The following SIRPB1 variants were observed in gnomAD, a reference collection of about 807,000 sequenced individuals.
SIRPB1 encodes the protein signal regulatory protein beta 1, also known as signal-regulatory protein beta-1.
SIRPB1 carries 28 observed loss-of-function variants against 34.1 expected under a neutral mutation model. That is an observed-to-expected ratio of 0.82 (90% CI 0.61 to 1.12). The LOEUF (loss-of-function observed/expected upper bound fraction) is 1.12, where lower values mean the gene tolerates loss of function less well. SIRPB1 is among the 50% of genes most tolerant of loss of function. SIRPB1 has a pLI of 0.00. For missense variants in SIRPB1, 499 were observed against 507.0 expected (o/e 0.98, Z 0.15); for synonymous variants, 211 against 203.8 (o/e 1.04, Z -0.30).
chr20:1,568,429 G>T (rs1189816791), intron 4 of SIRPB1, among the ~76,000 whole-genome samples: 1 of 152,130 alleles, frequency 6.6e-6, no homozygotes, highest in East Asian at 1.9e-4. Context: ...CACACTGAAA[G>T]AACCCAAAAA....
chr20:1,571,976 C>T lies in SIRPB1; in HGVS notation c.495G>A (p.Val165=). ...PAVRATPEHT[V]SFTCESHGFS... ...AGCCATGGGACTCGCAGGTGAAGCT[C>T]ACTGTGTGCTCAGGTGTGGCCCTCA... is the stretch of plus-strand genomic sequence containing the variant. The change falls in exon 3 of 6, where the codon GTG becomes GTA. Residue 165 remains valine, a synonymous_variant. Transcript: ENST00000381605. 6.2e-7 allele frequency: 1 copy of T among 1,614,086 alleles called. No homozygotes were observed. The highest frequency in any genetic ancestry group is 8.5e-7 in the Non-Finnish European group (1 of 1,180,014).
At chr20:1,579,604 A>G (rs2091373845) in intron 1 of SIRPB1, among the ~76,000 whole-genome samples, 1 of 148,778 alleles carries the variant, frequency 6.7e-6, no homozygotes, top group Admixed American at 6.6e-5. Flanking sequence ...TGTAGCTTCC[A>G]GTAGAAATAT....
chr20:1,619,893 T>A lies in SIRPB1; in HGVS notation c.52A>T (p.Thr18Ser), dbSNP rs976821695. The A allele has an allele frequency of 5.6e-6, 9 of 1,613,670 alleles. No homozygotes were observed. The highest frequency in any genetic ancestry group is 1.1e-5 in the South Asian group (1 of 91,088). The change falls in exon 1 of 6, where the codon ACG becomes TCG. Residue 18 changes from threonine to serine, a missense_variant. Thr to Ser is a moderately conservative substitution (Grantham distance 58). Coordinates refer to ENST00000381605, the MANE Select transcript of SIRPB1 (RefSeq NM_006065.5). ...CCTGTGAGTCTCCCCAGCAGTAGCGTCATCAGCAGGAAAGGACTAGGAAGG... is the reference window on the plus strand; with the variant it reads ...CCTGTGAGTCTCCCCAGCAGTAGCGACATCAGCAGGAAAGGACTAGGAAGG... ...PHLPSPFLLMTLLLGRLTGVA... is the reference protein window; with the variant it reads ...PHLPSPFLLMSLLLGRLTGVA...
chr20:1,562,842 A>G lies in SIRPB1; in HGVS notation c.*2658T>C, dbSNP rs1399258806. 6.6e-6 allele frequency among the ~76,000 whole-genome samples: 1 copy of G among 152,192 alleles called. No individual in the cohort carries two copies. Among genetic ancestry groups the G allele is most frequent in the African/African-American group, 2.4e-5 (1 of 41,444 alleles). On this transcript the variant is annotated 3_prime_UTR_variant, in exon 6 of 6. Coordinates refer to ENST00000381605, the MANE Select transcript of SIRPB1 (RefSeq NM_006065.5). The stretch of plus-strand genomic sequence containing the variant: ...ACAGAAATGAATAATTGAAAGAGGA[A>G]TTTTGCAACCAAGATGAAAGTGCAG...
At position 1,611,002 on chromosome 20, in the gene SIRPB1, C is replaced by T. The variant is rs1244897052; in HGVS notation, c.76+8867G>A. On this transcript the variant is annotated intron_variant, in intron 1 of 5. Transcript: ENST00000381605. ...AGACTTGGCCACCCTGAGGGGGAAG[C>T]GTTCTCTGGAGGCAGAAGGCAAGGT... Among the ~76,000 whole-genome samples, 2 of 72,372 alleles carry T rather than the reference C, an allele frequency of 2.8e-5. 1 individual carries two copies. Among genetic ancestry groups the T allele is most frequent in the Non-Finnish European group, 5.2e-5 (2 of 38,562 alleles). The allele number at this position is 72,372 out of a possible 152,430, so 47.5% of individuals were successfully genotyped here.
In SIRPB1 at chr20:1,597,353, G is replaced by A. The variant is rs1182004833; in HGVS notation, c.77-18659C>T. ...CATGAGGCTGGGTAATTTATAAAGA[G>A]AGGTTTATTTGGCTTTTGGTTCTGC... is the stretch of plus-strand genomic sequence containing the variant. On this transcript the variant is annotated intron_variant, in intron 1 of 5. Coordinates refer to ENST00000381605, the MANE Select transcript of SIRPB1 (RefSeq NM_006065.5). 8.2e-5 allele frequency: 4 copies of A among 49,028 alleles called. 2 individuals are homozygous for A. Among genetic ancestry groups the A allele is most frequent in the African/African-American group, 5.4e-4 (4 of 7,460 alleles). 3.0% of individuals were successfully genotyped at this position (49,028 alleles called of 1,614,324 possible).
At position 1,601,519 on chromosome 20, in the gene SIRPB1, A is replaced by G. The variant is rs1186309384; in HGVS notation, c.76+18350T>C. 2.0e-4 allele frequency among the ~76,000 whole-genome samples: 10 copies of G among 49,396 alleles called. 5 individuals carry two copies. Among genetic ancestry groups the G allele is most frequent in the Non-Finnish European group, 3.9e-4 (10 of 25,542 alleles). 32.4% of individuals were successfully genotyped at this position (49,396 alleles called of 152,430 possible). A position where few individuals can be genotyped will look rare whatever the true frequency, so the allele number is the denominator to read the frequency against. On this transcript the variant is annotated intron_variant, in intron 1 of 5. Coordinates refer to ENST00000381605, the MANE Select transcript of SIRPB1 (RefSeq NM_006065.5). ...TGTGGGTCAAAAGAGAACCTTCACC[A>G]CACCCTAGTGCACAATCTCACTAGG...
intron 1 of SIRPB1, among the ~76,000 whole-genome samples, chr20:1,609,159 A>C (rs1205608763): frequency 1.4e-5 from 1 of 69,492 alleles, no homozygotes; most frequent in Non-Finnish European, 2.7e-5. Flanking sequence ...AGGAGTGAGC[A>C]GATCTGAGTC....
chr20:1,617,086 T>A (rs2091640764), intron 1 of SIRPB1, among the ~76,000 whole-genome samples: 1 of 152,124 alleles, frequency 6.6e-6, no homozygotes, highest in East Asian at 1.9e-4. Context: ...TGCACATAGT[T>A]AGTGGGAATG....
chr20:1,565,835 C>T (rs1444387155), intron 5 of SIRPB1, among the ~76,000 whole-genome samples: 3 of 151,886 alleles, frequency 2.0e-5, no homozygotes, highest in Admixed American at 2.0e-4. Context: ...TCCAAGGGAC[C>T]ACCCACTCAG....
Position 1,582,347 on chromosome 20 carries a change from C to A in SIRPB1, c.77-3653G>T, listed in dbSNP as rs1195695491. ...GAAGATAATACCCTCCTGTTTCAAT[C>A]ATTAACCATAAATTGCCCCACAGGC... On this transcript the variant is annotated intron_variant, in intron 1 of 5. Coordinates refer to ENST00000381605, the MANE Select transcript of SIRPB1 (RefSeq NM_006065.5). 3.3e-4 allele frequency among the ~76,000 whole-genome samples: 16 copies of A among 49,220 alleles called. 7 individuals are homozygous for A. Among genetic ancestry groups the A allele is most frequent in the Non-Finnish European group, 6.3e-4 (16 of 25,534 alleles). 32.3% of individuals were successfully genotyped at this position (49,220 alleles called of 152,430 possible).
At chr20:1,615,393 A>G (rs2091615365) in intron 1 of SIRPB1, among the ~76,000 whole-genome samples, 1 of 152,302 alleles carries the variant, frequency 6.6e-6, no homozygotes, top group Non-Finnish European at 1.5e-5. Flanking sequence ...TGGGGAGCAT[A>G]CTTTCCTGTC....
At position 1,578,634 on chromosome 20, in the gene SIRPB1, G is replaced by C; in HGVS notation, c.137C>G (p.Ala46Gly). ...ACAGCGCAGAGTGGCCGACTCTCCAGCTGCAACTGATACGGACTTTTCAGG... is the reference window on the plus strand; with the variant it reads ...ACAGCGCAGAGTGGCCGACTCTCCACCTGCAACTGATACGGACTTTTCAGG... ...IQPEKSVSVA[A>G]GESATLRCAM... The change falls in exon 2 of 6, where the codon GCT (alanine) becomes GGT (glycine). Residue 46 changes from alanine (A) to glycine (G), a missense_variant. Transcript: ENST00000381605. The C allele has an allele frequency of 6.3e-7, 1 of 1,584,376 alleles. No homozygotes were observed. Among genetic ancestry groups the C allele is most frequent in the Non-Finnish European group, 8.6e-7 (1 of 1,157,750 alleles).
chr20:1,570,838 G>A lies in SIRPB1; in HGVS notation c.1051C>T (p.His351Tyr). 1.2e-6 allele frequency: 2 copies of A among 1,614,148 alleles called. No individual in the cohort carries two copies. Among genetic ancestry groups the A allele is most frequent in the Non-Finnish European group, 1.7e-6 (2 of 1,179,994 alleles). Residue 351 changes from histidine to tyrosine, a missense_variant, in exon 4 of 6, where the codon CAC becomes TAC. Transcript: ENST00000381605. ...SKSYALEISA[H>Y]QKEHGSDITH... ...ATATCTGAGCCGTGCTCCTTCTGGT[G>A]CGCTGAGATCTCCAGGGCATAGCTT...
intron 1 of SIRPB1, among the ~76,000 whole-genome samples, chr20:1,613,990 G>A (rs2091594690): frequency 6.6e-6 from 1 of 152,156 alleles, no homozygotes; most frequent in African/African-American, 2.4e-5. Context: ...AATCCTTAAA[G>A]CAGCAAGACA....
At chr20:1,618,852 AC>A (rs762943775) in intron 1 of SIRPB1, among the ~76,000 whole-genome samples, 136 of 152,322 alleles carry the variant, frequency 8.9e-4, no homozygotes, top group Non-Finnish European at 1.5e-3. Flanking sequence ...ATTTAAGAGA[AC>A]CAAAGGAGGT....
At position 1,578,168 on chromosome 20, in the gene SIRPB1, T is replaced by G; in HGVS notation, c.433+170A>C. On this transcript the variant is annotated intron_variant, in intron 2 of 5. Coordinates refer to ENST00000381605, the MANE Select transcript of SIRPB1 (RefSeq NM_006065.5). ...GCCGTGGAGCCTCGAGCGACTGCCATGACATCTCCAAGCCTCAACTCATGT... is the reference window on the plus strand; with the variant it reads ...GCCGTGGAGCCTCGAGCGACTGCCAGGACATCTCCAAGCCTCAACTCATGT... The G allele has an allele frequency of 4.0e-6, 3 of 745,048 alleles. No homozygotes were observed. In the South Asian group the frequency reaches 5.2e-5, roughly 13 times the overall value. The allele number at this position is 745,048 out of a possible 1,614,324, so 46.2% of individuals were successfully genotyped here.
chr20:1,571,051 G>C lies in SIRPB1; in HGVS notation c.838C>G (p.Arg280Gly). Residue 280 changes from arginine (R) to glycine (G), a missense_variant, in exon 4 of 6, where the codon CGG (arginine) becomes GGG (glycine). Physicochemically the swap from Arg to Gly is moderately radical, Grantham distance 125 (BLOSUM62 -2). Transcript: ENST00000381605. Reference protein sequence around the residue: ...VTCQVSNFYPRGLQLTWLENG... With the variant: ...VTCQVSNFYPGGLQLTWLENG... ...TCCAACCAGGTCAGCTGTAGTCCCC[G>C]GGGGTAGAAATTGCTCACCTGGCAG... The C allele has an allele frequency of 1.2e-6, 2 of 1,614,170 alleles. No homozygotes were observed. Among genetic ancestry groups the C allele is most frequent in the Non-Finnish European group, 1.7e-6 (2 of 1,179,998 alleles).
In SIRPB1 at chr20:1,610,381, T is replaced by C. The variant is rs553321558; in HGVS notation, c.76+9488A>G. Among the ~76,000 whole-genome samples, 81 of 72,618 alleles carry C rather than the reference T, an allele frequency of 1.1e-3. 35 individuals carry two copies. The highest frequency in any genetic ancestry group is 7.0e-3 in the African/African-American group (81 of 11,504). The allele number at this position is 72,618 out of a possible 152,430, so 47.6% of individuals were successfully genotyped here. ...CTGCCACTAACTGGCCCTGTGACCA[T>C]GGACAAGGCCCCTGTCATGTCTTGG... On this transcript the variant is annotated intron_variant, in intron 1 of 5. Coordinates refer to ENST00000381605, the MANE Select transcript of SIRPB1 (RefSeq NM_006065.5).
Sources: gnomAD v4.1 joint callset for allele counts (sites outside exome capture counted in the v4.1 genomes callset) on GRCh38, gnomAD v4.1.1 for gene constraint, MANE v1.5 for transcripts, NCBI Gene and HGNC (gene_info 2026-07-23, HGNC 2026-07-21) for gene names.